CYP46A1: variants seen among roughly 807,000 people sequenced by gnomAD.
CYP46A1 encodes the protein cytochrome P450 family 46 subfamily A member 1, also known as cholesterol 24-hydroxylase.
Under a neutral mutation model 63.3 loss-of-function variants are expected in CYP46A1, and 20 were observed. The observed-to-expected ratio is 0.32, with a 90% CI of 0.22 to 0.46. CYP46A1 has a LOEUF of 0.46. CYP46A1 is among the 20% of genes least tolerant of loss of function. The pLI, the probability that CYP46A1 is intolerant of heterozygous loss-of-function variation, is 1.00. For missense variants in CYP46A1, 445 were observed against 670.8 expected, an observed-to-expected ratio of 0.66 and a Z score of 3.72; for synonymous variants, 268 against 273.6, an observed-to-expected ratio of 0.98 and a Z score of 0.20.
At position 99,715,972 on chromosome 14, in the gene CYP46A1, C is replaced by T. The variant is rs2140134746; in HGVS notation, c.844+12C>T. The T allele has an allele frequency of 1.3e-6, 2 of 1,599,654 alleles. No homozygotes were observed. The highest frequency in any genetic ancestry group is 1.7e-6 in the Non-Finnish European group (2 of 1,172,122). ...ACAGATTCTGAAAGGTGCAAGGGCCCCCTCTGCGGACTGGGGAGGGCGGGG... is the reference window on the plus strand; with the variant it reads ...ACAGATTCTGAAAGGTGCAAGGGCCTCCTCTGCGGACTGGGGAGGGCGGGG... On this transcript the variant is annotated intron_variant, in intron 8 of 14. Transcript: ENST00000261835.
intron 12 of CYP46A1, chr14:99,723,073 G>A (rs1301605328): frequency 7.4e-6 from 2 of 269,036 alleles, no homozygotes. Flanking sequence ...CACTTAGCAT[G>A]GTCCGATTTT....
chr14:99,695,562 C>T (rs577813024), intron 3 of CYP46A1: 1 of 211,188 alleles, frequency 4.7e-6, no homozygotes, highest in South Asian at 6.5e-5. Context: ...TAATAACATT[C>T]TTTACTCCAA....
intron 1 of CYP46A1, among the ~76,000 whole-genome samples, chr14:99,688,131 T>C (rs2056511093): frequency 6.6e-6 from 1 of 152,036 alleles, no homozygotes; most frequent in East Asian, 1.9e-4. Context: ...CTGTCCTCAC[T>C]TAAGTGACTC....
At chr14:99,699,967 T>TGGGGG in intron 4 of CYP46A1, 48 bp from the exon 5 acceptor site, 2 of 456,598 alleles carry the variant, frequency 4.4e-6, no homozygotes, top group Non-Finnish European at 8.2e-6. Flanking sequence ...AAGCAGTCGC[T>TGGGGG]CCCCACCCCC....
chr14:99,694,991 A>G (rs2140116263), intron 3 of CYP46A1, among the ~76,000 whole-genome samples: 1 of 151,996 alleles, frequency 6.6e-6, no homozygotes, highest in Non-Finnish European at 1.5e-5. Context: ...GATATGTTTT[A>G]TTTTCATTTG....
chr14:99,726,348 G>GGGACTGCT, intron 14 of CYP46A1, 92 bp downstream of exon 14: 2 of 1,301,776 alleles, frequency 1.5e-6, no homozygotes, highest in Non-Finnish European at 2.1e-6. Flanking sequence ...CCCCTGCTCT[G>GGGACTGCT]GGGCTGCTGG....
At chr14:99,690,295 G>T (rs1341555251) in intron 1 of CYP46A1, among the ~76,000 whole-genome samples, 1 of 152,194 alleles carries the variant, frequency 6.6e-6, no homozygotes, top group African/African-American at 2.4e-5. Context: ...GGAACACTAG[G>T]CATAAATGGG....
chr14:99,716,607 C>T (rs889654636), intron 9 of CYP46A1, among the ~76,000 whole-genome samples: 2 of 152,244 alleles, frequency 1.3e-5, no homozygotes, highest in Non-Finnish European at 2.9e-5. Context: ...AGTGAGCCCT[C>T]GCATGCCTCC....
intron 1 of CYP46A1, among the ~76,000 whole-genome samples, chr14:99,687,801 G>A (rs916994368): frequency 3.9e-5 from 6 of 152,186 alleles, no homozygotes; most frequent in African/African-American, 1.4e-4. Context: ...TCCCAGGGCT[G>A]CTCTGCTGTG....
intron 1 of CYP46A1, 91 bp from the exon 2 acceptor site, chr14:99,690,988 CTG>C: frequency 8.2e-7 from 1 of 1,219,814 alleles, no homozygotes; most frequent in Admixed American, 1.7e-5. Context: ...GTCCTCCTGT[CTG>C]TGAAGTGGGC....
chr14:99,684,386 G>T lies in CYP46A1; in HGVS notation c.-32G>T, dbSNP rs765218061. 3 of 1,308,812 alleles carry T rather than the reference G, an allele frequency of 2.3e-6. No homozygotes were observed. Among genetic ancestry groups the T allele is most frequent in the South Asian group, 4.0e-5 (2 of 50,260 alleles). The allele number at this position is 1,308,812 out of a possible 1,614,324, so 81.1% of individuals were successfully genotyped here. ...TCCCGGCCCCCTCGGCGCCCGGCCC[G>T]ACCCTGGCCTGGCCTGCCCTGCCCC... is the stretch of plus-strand genomic sequence containing the variant. On this transcript the variant is annotated 5_prime_UTR_variant, in exon 1 of 15. Coordinates refer to ENST00000261835, the MANE Select transcript of CYP46A1 (RefSeq NM_006668.2).
At chr14:99,706,529 T>G in intron 5 of CYP46A1, 118 bp from the exon 6 acceptor site, 3 of 1,387,858 alleles carry the variant, frequency 2.2e-6, no homozygotes, top group East Asian at 4.6e-5. Flanking sequence ...CCAGAAAGAC[T>G]GGGAGGGACC....
chr14:99,716,053 G>A, intron 8 of CYP46A1, 84 bp from the exon 9 acceptor site: 1 of 1,610,886 alleles, frequency 6.2e-7, no homozygotes. Context: ...TGGCTTAAGA[G>A]GAGAAACACA....
intron 4 of CYP46A1, 59 bp from the exon 5 acceptor site, chr14:99,699,956 C>A (rs1438033954): frequency 2.5e-6 from 2 of 811,058 alleles, no homozygotes; most frequent in Non-Finnish European, 4.0e-6. Flanking sequence ...CCAAGCCCAT[C>A]AAGCAGTCGC....
Position 99,700,040 on chromosome 14 carries a change from G to A in CYP46A1, c.382G>A (p.Glu128Lys), listed in dbSNP as rs774289118. 2.5e-6 allele frequency: 4 copies of A among 1,602,148 alleles called. No individual in the cohort carries two copies. Among genetic ancestry groups the A allele is most frequent in the African/African-American group, 1.4e-5 (1 of 72,368 alleles). The part of the protein sequence containing the change: ...ERLFGQGLVS[E>K]CNYERWHKQR... ...ACTCTTCGGCCAAGGCTTGGTGTCC[G>A]AATGCAACTATGAGCGCTGGCACAA... Residue 128 changes from glutamate to lysine, a missense_variant, in exon 5 of 15, where the codon GAA (glutamate) becomes AAA (lysine). By Grantham distance (56) the Glu-to-Lys change is moderately conservative. Coordinates refer to ENST00000261835, the MANE Select transcript of CYP46A1 (RefSeq NM_006668.2).
intron 7 of CYP46A1, among the ~76,000 whole-genome samples, 174 bp from the exon 8 acceptor site, chr14:99,715,636 C>T (rs2056781280): frequency 6.6e-6 from 1 of 152,222 alleles, no homozygotes; most frequent in Non-Finnish European, 1.5e-5. Context: ...GGCCTGGGCT[C>T]AGTCTGCCAT....
chr14:99,720,459 C>CTTTTT (rs34168201), intron 10 of CYP46A1, among the ~76,000 whole-genome samples: 2 of 127,384 alleles, frequency 1.6e-5, no homozygotes, highest in Non-Finnish European at 3.2e-5. Context: ...CAGATCCACT[C>CTTTTT]TTTTTTTTTT....
chr14:99,719,726 G>A (rs1028952035), intron 10 of CYP46A1, among the ~76,000 whole-genome samples: 5 of 149,518 alleles, frequency 3.3e-5, no homozygotes, highest in African/African-American at 1.2e-4. Context: ...CCATGTTGCA[G>A]TATGTGTCAG....
At chr14:99,699,820 A>T (rs1242528720) in intron 4 of CYP46A1, among the ~76,000 whole-genome samples, 195 bp from the exon 5 acceptor site, 4 of 152,168 alleles carry the variant, frequency 2.6e-5, no homozygotes, top group Non-Finnish European at 5.9e-5. Flanking sequence ...GGTAAAACTG[A>T]CATAACATTC....
Sources: allele counts gnomAD v4.1 joint callset (sites outside exome capture counted in the v4.1 genomes callset), GRCh38; gene constraint gnomAD v4.1.1; transcripts MANE v1.5; gene names NCBI Gene and HGNC (gene_info 2026-07-23, HGNC 2026-07-21).